CPPED1: variants seen among roughly 807,000 people sequenced by gnomAD.
CPPED1 encodes the protein calcineurin like phosphoesterase domain containing 1.
In CPPED1, 28 loss-of-function variants were observed where a neutral mutation model predicts 28.0. The ratio of observed to expected loss-of-function variants is 1.00; its 90% confidence interval spans 0.74 to 1.37. The LOEUF (loss-of-function observed/expected upper bound fraction) is 1.37, where lower values mean the gene tolerates loss of function less well. Ranked by LOEUF, CPPED1 falls within the 40% of genes most tolerant of loss-of-function variation. The pLI is 0.00. For synonymous variants in CPPED1, 198 were observed against 180.2 expected (o/e 1.10, Z -0.79); for missense variants, 504 against 416.5 (o/e 1.21, Z -1.83).
intron 2 of CPPED1, among the ~76,000 whole-genome samples, chr16:12,767,732 C>T (rs571995152): frequency 3.9e-5 from 6 of 152,140 alleles, no homozygotes; most frequent in Non-Finnish European, 7.4e-5. Flanking sequence ...CTGAGGCAGG[C>T]GGATCATCTG....
rs2079911578 is a variant in CPPED1, at chr16:12,682,638, A to G, written c.716-17523T>C. Among the ~76,000 whole-genome samples, 1 of 152,340 alleles carries G rather than the reference A, an allele frequency of 6.6e-6. No individual in the cohort carries two copies. The highest frequency in any genetic ancestry group is 3.4e-3 in the Middle Eastern group (1 of 294). On this transcript the variant is annotated intron_variant, in intron 3 of 3. Transcript: ENST00000381774. This position sits in a 1 kb window ranked among gnomAD's most constrained non-coding sequence, Gnocchi z 6.1. ...AACCATCCCCAGGGCCACTGGGAAGATAAGTGAGAATCAGGGACACGCCCT... is the reference window on the plus strand; with the variant it reads ...AACCATCCCCAGGGCCACTGGGAAGGTAAGTGAGAATCAGGGACACGCCCT...
intron 2 of CPPED1, among the ~76,000 whole-genome samples, chr16:12,714,692 C>T (rs974848294): frequency 2.6e-5 from 4 of 152,014 alleles, no homozygotes; most frequent in Admixed American, 1.3e-4. Context: ...TTATGAATAC[C>T]AGATCTTTAT....
chr16:12,769,111 C>T lies in CPPED1; in HGVS notation c.289+12074G>A, dbSNP rs551493473. On this transcript the variant is annotated intron_variant, in intron 2 of 3. Transcript: ENST00000381774. ...AACTCCTGACCTCAAGTGATCCACC[C>T]GCCTCAGCCTCCCTAAGTGCTCTGA... Among the ~76,000 whole-genome samples the T allele has an allele frequency of 1.4e-4, 21 of 152,076 alleles. No individual in the cohort carries two copies. The South Asian group carries it at 3.7e-3, about 27-fold the overall frequency.
chr16:12,741,035 C>T (rs2080252581), intron 2 of CPPED1, among the ~76,000 whole-genome samples: 1 of 152,142 alleles, frequency 6.6e-6, no homozygotes, highest in Non-Finnish European at 1.5e-5. Context: ...TCTAAGGAGC[C>T]AGCATTGCAC....
intron 2 of CPPED1, among the ~76,000 whole-genome samples, chr16:12,725,523 T>C (rs2080165276): frequency 6.6e-6 from 1 of 152,026 alleles, no homozygotes; most frequent in Non-Finnish European, 1.5e-5. Context: ...ACCACAACCA[T>C]TTACGGATGA....
chr16:12,795,378 G>A (rs1050671140), intron 1 of CPPED1, among the ~76,000 whole-genome samples: 2 of 151,974 alleles, frequency 1.3e-5, no homozygotes, highest in Non-Finnish European at 2.9e-5. Context: ...CTCGCTCTGT[G>A]GCCCAGCCTG....
intron 1 of CPPED1, among the ~76,000 whole-genome samples, chr16:12,803,137 A>C (rs1416201842): frequency 1.3e-5 from 2 of 152,210 alleles, no homozygotes; most frequent in Non-Finnish European, 2.9e-5. Flanking sequence ...CAAAGCAGAT[A>C]ATCTAAATCC....
chr16:12,782,740 G>A (rs1567305563), intron 1 of CPPED1, among the ~76,000 whole-genome samples: 3 of 151,758 alleles, frequency 2.0e-5, no homozygotes, highest in Non-Finnish European at 4.4e-5. Context: ...AATTACAGGT[G>A]GGCACCTGTA....
intron 3 of CPPED1, among the ~76,000 whole-genome samples, chr16:12,697,596 A>G (rs2079998642): frequency 6.6e-6 from 1 of 152,166 alleles, no homozygotes; most frequent in Admixed American, 6.5e-5. Flanking sequence ...ACATTTCTCT[A>G]AGCCAAGAGT....
At chr16:12,669,987 C>A (rs964639623) in intron 3 of CPPED1, among the ~76,000 whole-genome samples, 2 of 152,152 alleles carry the variant, frequency 1.3e-5, no homozygotes, top group African/African-American at 4.8e-5. Context: ...TGTTGAATTA[C>A]AACCCACAGT....
At chr16:12,759,163 T>TACAAAAAAAAAAAAAA (rs750180409) in intron 2 of CPPED1, 1 of 74,364 alleles carries the variant, frequency 1.3e-5, no homozygotes, top group African/African-American at 5.4e-5. Context: ...ACTCTGTCTC[T>TACAAAAAAAAAAAAAA]AAAAAAAAAA....
Position 12,729,862 on chromosome 16 carries a change from T to C in CPPED1, c.290-24813A>G, listed in dbSNP as rs554370987. Among the ~76,000 whole-genome samples, 55 of 152,200 alleles carry C rather than the reference T, an allele frequency of 3.6e-4. No individual in the cohort carries two copies. In the South Asian group the frequency reaches 0.011, roughly 31 times the overall value. On this transcript the variant is annotated intron_variant, in intron 2 of 3. Transcript: ENST00000381774. ...ACAAGTAGCAATGGGCTTAGCTGAGTTATTATTGCTTCTTTTGAGATGGGA... is the reference window on the plus strand; with the variant it reads ...ACAAGTAGCAATGGGCTTAGCTGAGCTATTATTGCTTCTTTTGAGATGGGA...
rs1178864234 is a variant in CPPED1, at chr16:12,781,022, G to A, written c.289+163C>T. On this transcript the variant is annotated intron_variant, in intron 2 of 3. Coordinates refer to ENST00000381774, the MANE Select transcript of CPPED1 (RefSeq NM_018340.3). ...GCCAAACTCTAAATATAACATGAGTGTGCACTTTCTGATGTTCAATGATAC... is the reference window on the plus strand; with the variant it reads ...GCCAAACTCTAAATATAACATGAGTATGCACTTTCTGATGTTCAATGATAC... 6.4e-6 allele frequency: 4 copies of A among 621,714 alleles called. No individual in the cohort carries two copies. In the Admixed American group the frequency reaches 8.3e-5, roughly 13 times the overall value. 38.5% of individuals were successfully genotyped at this position (621,714 alleles called of 1,614,324 possible). A position where few individuals can be genotyped will look rare whatever the true frequency, so the allele number is the denominator to read the frequency against.
In CPPED1 at chr16:12,781,287, G is replaced by A. The variant is rs199561777; in HGVS notation, c.187C>T (p.Gln63Ter). The A allele has an allele frequency of 5.6e-6, 9 of 1,614,074 alleles. No individual in the cohort carries two copies. The South Asian group carries it at 8.8e-5, about 16-fold the overall frequency. ...GCTTGCTCAGTTAGACGGATCTCCT[G>A]TTCCCATTCGTCACCGCCATTGTCA... ...DCDNGGDEWE[Q>*]EIRLTEQAVQ... Residue 63 changes from glutamine to a stop codon, truncating the protein, a stop_gained, in exon 2 of 4, where the codon CAG becomes TAG. Coordinates refer to ENST00000381774, the MANE Select transcript of CPPED1 (RefSeq NM_018340.3). LOFTEE classifies it high-confidence loss of function.
intron 3 of CPPED1, among the ~76,000 whole-genome samples, chr16:12,693,307 T>A (rs990690633): frequency 6.6e-6 from 1 of 152,128 alleles, no homozygotes; most frequent in African/African-American, 2.4e-5. Flanking sequence ...GCTCAGGCGA[T>A]CCTCCCACCT....
chr16:12,799,965 A>G (rs1318793119), intron 1 of CPPED1, among the ~76,000 whole-genome samples: 1 of 152,094 alleles, frequency 6.6e-6, no homozygotes, highest in East Asian at 1.9e-4. Flanking sequence ...ATTTATCATC[A>G]AGTCTCTCTC....
At chr16:12,685,069 T>C (rs1258508275) in intron 3 of CPPED1, among the ~76,000 whole-genome samples, 1 of 152,234 alleles carries the variant, frequency 6.6e-6, no homozygotes, top group Non-Finnish European at 1.5e-5. Context: ...GAGCACCGAC[T>C]CTGGATCCTG....
At chr16:12,686,241 AT>A (rs1555483876) in intron 3 of CPPED1, among the ~76,000 whole-genome samples, 8,986 of 106,882 alleles carry the variant, frequency 0.084, 514 homozygotes, top group African/African-American at 0.25. Context: ...ATATATATAT[AT>A]TTTTTTTTTT....
At position 12,673,063 on chromosome 16, in the gene CPPED1, C is replaced by T. The variant is rs549895548; in HGVS notation, c.716-7948G>A. Among the ~76,000 whole-genome samples the T allele has an allele frequency of 2.0e-5, 3 of 152,162 alleles. No individual in the cohort carries two copies. In the South Asian group the frequency reaches 6.2e-4, roughly 32 times the overall value. ...AAAAAAAGAAAAAGAAACATTAGGG[C>T]AACATGAACAGGGCAGGGTGGCGTG... On this transcript the variant is annotated intron_variant, in intron 3 of 3. Transcript: ENST00000381774.
Sources: gnomAD v4.1 joint callset for allele counts (sites outside exome capture counted in the v4.1 genomes callset) on GRCh38, gnomAD v4.1.1 for gene constraint, Gnocchi (gnomAD v3.1) non-coding constraint, MANE v1.5 for transcripts, NCBI Gene and HGNC (gene_info 2026-07-23, HGNC 2026-07-21) for gene names.